Variants in LTBP2 observed in about 807,000 individuals in gnomAD.
LTBP2 encodes the protein latent-transforming growth factor beta-binding protein 2.
A neutral mutation model predicts 210.6 loss-of-function variants in LTBP2; 103 were observed. The observed-to-expected ratio is 0.49, with a 90% CI of 0.42 to 0.58. The LOEUF is 0.58. LTBP2 is among the 20% of genes least tolerant of loss of function. The probability of loss-of-function intolerance (pLI) is 0.00; values close to 1 mark genes in which losing one functional copy is unlikely to be tolerated. For missense variants in LTBP2, 2,313 were observed against 2,494.5 expected (o/e 0.93, Z 1.55); for synonymous variants, 1,007 against 1,015.0 (o/e 0.99, Z 0.15).
chr14:74,525,346 A>G (rs981859941), intron 14 of LTBP2, 121 bp from the exon 15 acceptor site: 7 of 442,642 alleles, frequency 1.6e-5, no homozygotes, highest in African/African-American at 4.1e-5. Flanking sequence ...GGTCACTCCC[A>G]TGCCTTCCAG....
At chr14:74,566,378 G>A (rs1260659550) in intron 3 of LTBP2, among the ~76,000 whole-genome samples, 2 of 152,346 alleles carry the variant, frequency 1.3e-5, no homozygotes, top group East Asian at 1.9e-4. Flanking sequence ...AGAGGAAGGC[G>A]TTCCCAGAAC....
intron 3 of LTBP2, among the ~76,000 whole-genome samples, chr14:74,561,783 C>T (rs763017135): frequency 2.6e-5 from 4 of 152,196 alleles, no homozygotes; most frequent in Middle Eastern, 3.4e-3. Flanking sequence ...CCACGATGGA[C>T]TGTGTTGGAG....
At chr14:74,559,250 T>C (rs2087763879) in intron 3 of LTBP2, among the ~76,000 whole-genome samples, 1 of 152,170 alleles carries the variant, frequency 6.6e-6, no homozygotes, top group Admixed American at 6.5e-5. Flanking sequence ...TCCTTATATA[T>C]ACACAGGGCC....
intron 5 of LTBP2, 33 bp from the exon 6 acceptor site, chr14:74,552,426 G>A (rs773970751): frequency 6.3e-7 from 1 of 1,586,990 alleles, no homozygotes; most frequent in Non-Finnish European, 8.6e-7. Flanking sequence ...AACCAGCGGT[G>A]GAAGAACAGC....
At chr14:74,516,741 C>T (rs1041142974) in intron 18 of LTBP2, 81 bp downstream of exon 18, 29 of 1,497,078 alleles carry the variant, frequency 1.9e-5, no homozygotes, top group Admixed American at 6.1e-5. Flanking sequence ...AGCCAGAAGG[C>T]GTGTTGGTGG....
intron 1 of LTBP2, among the ~76,000 whole-genome samples, chr14:74,605,733 G>A (rs2088516692): frequency 1.3e-5 from 2 of 152,200 alleles, no homozygotes; most frequent in African/African-American, 2.4e-5. Context: ...TGAGCCAGCC[G>A]TCACCCCAGC....
At chr14:74,503,848 G>A (rs1279232194) in intron 31 of LTBP2, 78 bp downstream of exon 31, 4 of 1,587,964 alleles carry the variant, frequency 2.5e-6, no homozygotes, top group Non-Finnish European at 3.4e-6. Context: ...GCAATAATGG[G>A]ACTGGCTGGC....
chr14:74,594,947 T>A (rs2088337799), intron 2 of LTBP2, among the ~76,000 whole-genome samples: 1 of 152,158 alleles, frequency 6.6e-6, no homozygotes, highest in Non-Finnish European at 1.5e-5. Context: ...CTCACCCAGC[T>A]CCCACACAGC....
intron 17 of LTBP2, among the ~76,000 whole-genome samples, chr14:74,520,256 T>TC (rs1187285486): frequency 6.6e-6 from 1 of 152,222 alleles, no homozygotes; most frequent in Non-Finnish European, 1.5e-5. Context: ...CTATTCATGC[T>TC]CCAACACCCT....
chr14:74,521,540 T>C (rs2087202925), intron 17 of LTBP2, among the ~76,000 whole-genome samples: 1 of 152,182 alleles, frequency 6.6e-6, no homozygotes, highest in Admixed American at 6.5e-5. Flanking sequence ...AGTCCCAGCC[T>C]GGCATCCTTA....
chr14:74,611,659 T>A lies in LTBP2; in HGVS notation c.286A>T (p.Arg96Trp). The change falls in exon 1 of 36, where the codon AGG becomes TGG. Residue 96 changes from arginine to tryptophan, a missense_variant. By Grantham distance (101) the Arg-to-Trp change is moderately radical. Coordinates refer to ENST00000261978, the MANE Select transcript of LTBP2 (RefSeq NM_000428.3). ...ERAQPGWGSPRRPTEAEARRP... is the reference protein window; with the variant it reads ...ERAQPGWGSPWRPTEAEARRP... ...CTGGCCTCCGCCTCGGTGGGCCTCCTGGGGCTCCCCCAGCCCGGCTGGGCC... is the reference window on the plus strand; with the variant it reads ...CTGGCCTCCGCCTCGGTGGGCCTCCAGGGGCTCCCCCAGCCCGGCTGGGCC... 6.4e-7 allele frequency: 1 copy of A among 1,558,566 alleles called. No individual in the cohort carries two copies. Among genetic ancestry groups the A allele is most frequent in the Non-Finnish European group, 8.6e-7 (1 of 1,158,050 alleles).
intron 18 of LTBP2, among the ~76,000 whole-genome samples, chr14:74,515,922 G>A (rs1487327264): frequency 6.6e-6 from 1 of 152,314 alleles, no homozygotes; most frequent in Admixed American, 6.5e-5. Flanking sequence ...TGCACCTGCC[G>A]CAACCTCTCC....
intron 8 of LTBP2, among the ~76,000 whole-genome samples, chr14:74,548,563 G>C (rs1011395131): frequency 6.6e-6 from 1 of 152,204 alleles, no homozygotes; most frequent in Admixed American, 6.5e-5. Flanking sequence ...ATAGGAAAGA[G>C]AAAAGAAAAC....
chr14:74,594,245 G>A (rs75382943), intron 2 of LTBP2, among the ~76,000 whole-genome samples: 5 of 152,062 alleles, frequency 3.3e-5, no homozygotes, highest in East Asian at 3.9e-4. Flanking sequence ...GTTTGTCATC[G>A]GCTCTCTCTC....
intron 3 of LTBP2, among the ~76,000 whole-genome samples, chr14:74,576,024 C>G (rs1486023973): frequency 6.6e-6 from 1 of 152,196 alleles, no homozygotes; most frequent in Non-Finnish European, 1.5e-5. Context: ...GCTGCCACAA[C>G]CCCCTGTCCA....
chr14:74,508,743 A>G lies in LTBP2; in HGVS notation c.3527-14T>C, dbSNP rs137854886. On this transcript the variant is annotated splice_polypyrimidine_tract_variant and intron_variant, in intron 23 of 35. Coordinates refer to ENST00000261978, the MANE Select transcript of LTBP2 (RefSeq NM_000428.3). ...ACTCATTCACATCTGCAGGGAAAAG[A>G]TGGGGAGTGGGTGTCTGCTGGGGAT... 8.3e-4 allele frequency: 1,341 copies of G among 1,613,494 alleles called. 10 individuals are homozygous for G. The highest frequency in any genetic ancestry group is 6.0e-3 in the African/African-American group (448 of 74,978).
intron 2 of LTBP2, among the ~76,000 whole-genome samples, chr14:74,588,402 T>C (rs1443263989): frequency 6.6e-6 from 1 of 152,110 alleles, no homozygotes; most frequent in Admixed American, 6.5e-5. Flanking sequence ...TGTATTTTTA[T>C]TGGAGACGGA....
intron 22 of LTBP2, 67 bp downstream of exon 22, chr14:74,509,171 G>A (rs2087035075): frequency 1.2e-6 from 2 of 1,610,868 alleles, no homozygotes; most frequent in African/African-American, 2.7e-5. Context: ...CCCACCTGCT[G>A]GGCTTCACCA....
chr14:74,506,899 ACTCT>A (rs764520050), intron 26 of LTBP2, 76 bp from the exon 27 acceptor site: 562 of 1,224,510 alleles, frequency 4.6e-4, no homozygotes, highest in African/African-American at 1.4e-3. Flanking sequence ...GTGTGTGCTC[ACTCT>A]CTCACACGCA....
Sources: allele counts gnomAD v4.1 joint callset (sites outside exome capture counted in the v4.1 genomes callset), GRCh38; gene constraint gnomAD v4.1.1; transcripts MANE v1.5; gene names NCBI Gene and HGNC (gene_info 2026-07-23, HGNC 2026-07-21).